COLEC10: variants seen among roughly 807,000 people sequenced by gnomAD.
COLEC10 encodes the protein collectin-10.
In COLEC10, 22 loss-of-function variants were observed where a neutral mutation model predicts 28.4. That is an observed-to-expected ratio of 0.78 (90% CI 0.55 to 1.11). COLEC10 has a LOEUF of 1.11. Ranked by LOEUF, COLEC10 falls within the 50% of genes least tolerant of loss-of-function variation. The probability of loss-of-function intolerance (pLI) is 0.00; values close to 1 mark genes in which losing one functional copy is unlikely to be tolerated. For missense variants in COLEC10, 361 were observed against 344.1 expected (o/e 1.05, Z -0.39); for synonymous variants, 125 against 116.1 (o/e 1.08, Z -0.49).
At chr8:118,985,198 T>C in the COLEC10 span, among the ~76,000 whole-genome samples, 1 of 152,056 alleles carries the variant, frequency 6.6e-6, no homozygotes, top group Admixed American at 6.6e-5. Flanking sequence ...ATTCTGTTGT[T>C]TGAAGCCACC....
upstream of COLEC10, among the ~76,000 whole-genome samples, chr8:119,066,368 C>G (rs1814962995): frequency 6.6e-6 from 1 of 152,164 alleles, no homozygotes. Flanking sequence ...GTATCTATAT[C>G]TGTATCTGAT....
At chr8:119,081,043 T>C (rs954989787) in intron 1 of COLEC10, among the ~76,000 whole-genome samples, 8 of 150,912 alleles carry the variant, frequency 5.3e-5, no homozygotes, top group Non-Finnish European at 8.8e-5. Flanking sequence ...GTTTACAGTT[T>C]TTGTTTTTGC....
At chr8:118,954,402 C>T in the COLEC10 span, among the ~76,000 whole-genome samples, 10 of 152,142 alleles carry the variant, frequency 6.6e-5, no homozygotes, top group African/African-American at 1.2e-4. Flanking sequence ...CTAAGTAATC[C>T]ACTACTGTGG....
At chr8:119,016,196 A>G (rs1813988170) in intron 2 of COLEC10, among the ~76,000 whole-genome samples, 1 of 151,986 alleles carries the variant, frequency 6.6e-6, no homozygotes, top group African/African-American at 2.4e-5. Flanking sequence ...AACCCCTGAC[A>G]GGCCCCAGTG....
intron 1 of COLEC10, among the ~76,000 whole-genome samples, chr8:119,069,629 A>AAATATATATAT (rs1554627284): frequency 2.3e-5 from 1 of 42,876 alleles, no homozygotes; most frequent in Non-Finnish European, 4.4e-5. Context: ...AAAAAAAAAA[A>AAATATATATAT]ATATATATAT....
At chr8:118,998,026 C>T (rs187599742) in intron 1 of COLEC10, among the ~76,000 whole-genome samples, 2 of 152,114 alleles carry the variant, frequency 1.3e-5, no homozygotes, top group Non-Finnish European at 2.9e-5. Flanking sequence ...TATGATCAAT[C>T]AAGACCTGGG....
chr8:119,078,125 C>A (rs1815291420), intron 1 of COLEC10, among the ~76,000 whole-genome samples: 1 of 152,214 alleles, frequency 6.6e-6, no homozygotes, highest in African/African-American at 2.4e-5. Context: ...GACCCAAACA[C>A]AACCTACCAG....
intron 2 of COLEC10, among the ~76,000 whole-genome samples, chr8:119,040,903 T>A (rs1206529789): frequency 6.6e-6 from 1 of 152,122 alleles, no homozygotes; most frequent in Admixed American, 6.5e-5. Flanking sequence ...GTTCTTCTAT[T>A]TGTCAAACAA....
Position 119,106,229 on chromosome 8 carries a change from C to T in COLEC10, c.*38C>T, listed in dbSNP as rs760576584. On this transcript the variant is annotated 3_prime_UTR_variant, in exon 6 of 6. Coordinates refer to ENST00000332843, the MANE Select transcript of COLEC10 (RefSeq NM_006438.5). Reference sequence around the variant, plus strand: ...TACGTATTTGCTATTTTCCTGTGACCGTCATTACAGTTATTGTTATCCATC... The same window carrying T: ...TACGTATTTGCTATTTTCCTGTGACTGTCATTACAGTTATTGTTATCCATC... The T allele has an allele frequency of 7.1e-6, 11 of 1,557,696 alleles. No homozygotes were observed. In the Admixed American group the frequency reaches 7.2e-5, roughly 10 times the overall value.
At chr8:119,082,959 CT>C in intron 1 of COLEC10, among the ~76,000 whole-genome samples, 1 of 152,304 alleles carries the variant, frequency 6.6e-6, no homozygotes, top group African/African-American at 2.4e-5. Flanking sequence ...TAATTATCTG[CT>C]TCTTTGTCCA....
chr8:119,016,696 A>G (rs1563717781), intron 2 of COLEC10, among the ~76,000 whole-genome samples: 1 of 151,050 alleles, frequency 6.6e-6, no homozygotes, highest in Non-Finnish European at 1.5e-5. Context: ...TTGTTTCCTG[A>G]TTTTTTGTTT....
At chr8:118,965,287 T>C in the COLEC10 span, among the ~76,000 whole-genome samples, 1 of 152,174 alleles carries the variant, frequency 6.6e-6, no homozygotes, top group African/African-American at 2.4e-5. Flanking sequence ...TCAGGCTCTT[T>C]CTACCTTTCT....
chr8:118,990,642 C>G (rs1472325993), upstream of COLEC10, among the ~76,000 whole-genome samples: 1 of 152,124 alleles, frequency 6.6e-6, no homozygotes, highest in Non-Finnish European at 1.5e-5. Flanking sequence ...TAAACACCAT[C>G]TTCATTTTGA....
At chr8:119,041,677 T>C (rs1319146818) in intron 2 of COLEC10, among the ~76,000 whole-genome samples, 1 of 152,186 alleles carries the variant, frequency 6.6e-6, no homozygotes, top group Non-Finnish European at 1.5e-5. Flanking sequence ...AGAGGATACC[T>C]GACATATCTT....
rs373287773 is a variant in COLEC10, at chr8:119,044,728, G to A, written n.235+35175G>A. Among the ~76,000 whole-genome samples the A allele has an allele frequency of 2.0e-5, 3 of 151,740 alleles. No individual in the cohort carries two copies. The East Asian group carries it at 5.8e-4, about 29-fold the overall frequency. On this transcript the variant is annotated intron_variant and non_coding_transcript_variant, in intron 2 of 6. Transcript: ENST00000521788. ...AAATTAGCCAGGCGTGGTGGCTCAC[G>A]TCTGTAATCCTAGCTACTCGGGGAA...
At chr8:118,995,727 A>G (rs1454106185) in intron 1 of COLEC10, among the ~76,000 whole-genome samples, 2 of 152,162 alleles carry the variant, frequency 1.3e-5, no homozygotes, top group Admixed American at 6.6e-5. Context: ...CCTAGATGCT[A>G]CTGTATTTAG....
intron 3 of COLEC10, among the ~76,000 whole-genome samples, chr8:119,092,909 G>GA (rs552557735): frequency 0.02 from 2,984 of 148,668 alleles, 38 homozygotes; most frequent in South Asian, 0.034. Context: ...CCATCTCAAA[G>GA]AAAAAAAAAA....
chr8:119,086,165 G>A (rs1185198476), intron 1 of COLEC10, among the ~76,000 whole-genome samples: 2 of 152,222 alleles, frequency 1.3e-5, no homozygotes, highest in Non-Finnish European at 2.9e-5. Flanking sequence ...AAGAAAATGC[G>A]GTCAAATGTG....
chr8:118,952,421 G>A, the COLEC10 span, among the ~76,000 whole-genome samples: 1 of 152,232 alleles, frequency 6.6e-6, no homozygotes, highest in Non-Finnish European at 1.5e-5. Flanking sequence ...CTTCACTTCG[G>A]GTTCTGAAAC....
Sources: allele counts gnomAD v4.1 joint callset (sites outside exome capture counted in the v4.1 genomes callset), GRCh38; gene constraint gnomAD v4.1.1; transcripts MANE v1.5; gene names NCBI Gene and HGNC (gene_info 2026-07-23, HGNC 2026-07-21).